CCDC171: variants seen among roughly 807,000 people sequenced by gnomAD.
The protein encoded by CCDC171 is coiled-coil domain containing 171.
Under a neutral mutation model 168.2 loss-of-function variants are expected in CCDC171, and 177 were observed. The ratio of observed to expected loss-of-function variants is 1.05; its 90% CI spans 0.93 to 1.19. The LOEUF (loss-of-function observed/expected upper bound fraction) is 1.19. CCDC171 is among the 50% of genes most tolerant of loss of function. The pLI, the probability that CCDC171 is intolerant of heterozygous loss-of-function variation, is 0.00. For synonymous variants in CCDC171, 687 were observed against 540.8 expected, an observed-to-expected ratio of 1.27 and a Z score of -3.75; for missense variants, 1,991 against 1,539.0, an observed-to-expected ratio of 1.29 and a Z score of -4.91.
intron 11 of CCDC171, among the ~76,000 whole-genome samples, chr9:15,701,584 T>C (rs1206568512): frequency 2.0e-5 from 3 of 150,954 alleles, no homozygotes; most frequent in African/African-American, 7.3e-5. Context: ...TCCATTTTTT[T>C]TTTTTTTTTT....
intron 21 of CCDC171, among the ~76,000 whole-genome samples, chr9:15,802,287 G>A (rs1242670292): frequency 6.6e-6 from 1 of 151,906 alleles, no homozygotes; most frequent in East Asian, 1.9e-4. Flanking sequence ...TACATGTGCA[G>A]GATGTGCAGA....
chr9:16,036,870 C>T (rs542822838), intron 8 of CCDC171, among the ~76,000 whole-genome samples: 2 of 152,120 alleles, frequency 1.3e-5, no homozygotes, highest in Non-Finnish European at 2.9e-5. Flanking sequence ...CTGTCATTCA[C>T]AGCAACATGA....
chr9:15,748,867 A>C (rs554777533), intron 18 of CCDC171, among the ~76,000 whole-genome samples: 4 of 152,312 alleles, frequency 2.6e-5, no homozygotes, highest in African/African-American at 9.6e-5. Flanking sequence ...CACTGCAAAA[A>C]CATGCCAAAT....
At chr9:15,612,326 GCTTT>G (rs1237268213) in intron 6 of CCDC171, among the ~76,000 whole-genome samples, 1 of 152,064 alleles carries the variant, frequency 6.6e-6, no homozygotes, top group African/African-American at 2.4e-5. Flanking sequence ...TTGTCAGTTT[GCTTT>G]CTGTCTTCCA....
intron 14 of CCDC171, among the ~76,000 whole-genome samples, chr9:15,726,265 G>A (rs1171200052): frequency 2.0e-5 from 3 of 152,090 alleles, no homozygotes; most frequent in African/African-American, 7.2e-5. Flanking sequence ...GCTGTGGTTG[G>A]GTTCAACATG....
intron 3 of CCDC171, among the ~76,000 whole-genome samples, chr9:15,993,227 G>C (rs1377257849): frequency 6.6e-6 from 1 of 151,950 alleles, no homozygotes; most frequent in African/African-American, 2.4e-5. Context: ...AAACAGCATG[G>C]TACTGGTACC....
intron 22 of CCDC171, 54 bp downstream of exon 22, chr9:15,846,901 T>C (rs2060922086): frequency 2.0e-6 from 3 of 1,494,196 alleles, no homozygotes; most frequent in Non-Finnish European, 9.1e-7. Flanking sequence ...GATCAATTCT[T>C]ACTTTCATGC....
chr9:15,877,400 T>G (rs1439198532), intron 24 of CCDC171, among the ~76,000 whole-genome samples: 1 of 152,120 alleles, frequency 6.6e-6, no homozygotes, highest in Non-Finnish European at 1.5e-5. Flanking sequence ...TGTATGTATG[T>G]TTTATTTTGA....
At chr9:15,963,470 C>G (rs1297050333) in intron 25 of CCDC171, among the ~76,000 whole-genome samples, 3 of 152,116 alleles carry the variant, frequency 2.0e-5, no homozygotes, top group African/African-American at 7.2e-5. Context: ...AGTGGAATTG[C>G]TAGGTCAAAG....
intron 6 of CCDC171, among the ~76,000 whole-genome samples, chr9:15,620,442 T>G (rs190923411): frequency 6.6e-6 from 1 of 152,120 alleles, no homozygotes; most frequent in Non-Finnish European, 1.5e-5. Flanking sequence ...TAAGTTACTG[T>G]AGGTTAGAAA....
chr9:15,916,696 T>G (rs1824570189), intron 24 of CCDC171, among the ~76,000 whole-genome samples: 1 of 152,070 alleles, frequency 6.6e-6, no homozygotes, highest in Admixed American at 6.5e-5. Context: ...TGCAACTGTT[T>G]GTATCTTATA....
At position 15,571,721 on chromosome 9, in the gene CCDC171, A is replaced by G. The variant is rs1159366683; in HGVS notation, c.139A>G (p.Lys47Glu). ...CAGGAAGAAACTCCATTGGGCTAAA[A>G]AAGAAAAGTTAGAAATAACAACCAA... is the stretch of plus-strand genomic sequence containing the variant. Reference protein sequence around the residue: ...NLRKKLHWAKKEKLEITTKHN... With the variant: ...NLRKKLHWAKEEKLEITTKHN... Residue 47 changes from lysine (K) to glutamate (E), a missense_variant, in exon 3 of 26, where the codon AAA becomes GAA. Lys to Glu is a moderately conservative substitution (Grantham distance 56, BLOSUM62 1). Coordinates refer to ENST00000380701, the MANE Select transcript of CCDC171 (RefSeq NM_173550.4). 1 of 1,591,638 alleles carries G rather than the reference A, an allele frequency of 6.3e-7. No homozygotes were observed.
At chr9:15,627,887 T>C (rs927798503) in intron 7 of CCDC171, among the ~76,000 whole-genome samples, 9 of 151,990 alleles carry the variant, frequency 5.9e-5, no homozygotes, top group African/African-American at 1.2e-4. Flanking sequence ...AACTTTCGTC[T>C]AGTTGATCTG....
At chr9:15,693,954 A>C (rs1245206381) in intron 10 of CCDC171, among the ~76,000 whole-genome samples, 1 of 152,050 alleles carries the variant, frequency 6.6e-6, no homozygotes, top group Admixed American at 6.6e-5. Context: ...CTCCTTCTTT[A>C]ACCTATTCCA....
At chr9:15,618,389 A>G (rs1157625848) in intron 6 of CCDC171, among the ~76,000 whole-genome samples, 1 of 152,136 alleles carries the variant, frequency 6.6e-6, no homozygotes, top group Non-Finnish European at 1.5e-5. Context: ...CGATCATCCC[A>G]GGTCGACTCC....
intron 8 of CCDC171, 89 bp from the exon 9 acceptor site, chr9:15,666,074 A>T: frequency 8.8e-7 from 1 of 1,132,386 alleles, no homozygotes; most frequent in East Asian, 2.4e-5. Context: ...GATGAATGAT[A>T]ATCTGTTACT....
chr9:15,959,571 C>T (rs904869990), intron 25 of CCDC171, among the ~76,000 whole-genome samples: 1 of 151,972 alleles, frequency 6.6e-6, no homozygotes, highest in Non-Finnish European at 1.5e-5. Flanking sequence ...GCTTTGAAAC[C>T]TGTGTCAAAA....
At chr9:15,716,006 A>G (rs1445795493) in intron 11 of CCDC171, among the ~76,000 whole-genome samples, 1 of 152,196 alleles carries the variant, frequency 6.6e-6, no homozygotes, top group Non-Finnish European at 1.5e-5. Context: ...GAGAGATCGA[A>G]ACAGGGTATG....
At chr9:15,919,300 GT>G (rs1296559212) in intron 24 of CCDC171, among the ~76,000 whole-genome samples, 1 of 151,492 alleles carries the variant, frequency 6.6e-6, no homozygotes, top group African/African-American at 2.4e-5. Flanking sequence ...TTCTTACTCT[GT>G]CTTTGTTCAC....
Sources: allele counts gnomAD v4.1 joint callset (sites outside exome capture counted in the v4.1 genomes callset), GRCh38; gene constraint gnomAD v4.1.1; transcripts MANE v1.5; gene names NCBI Gene and HGNC (gene_info 2026-07-23, HGNC 2026-07-21).